Variants in UBE3D observed in about 807,000 individuals in gnomAD.
UBE3D encodes the protein E3 ubiquitin-protein ligase E3D.
UBE3D carries 48 observed loss-of-function variants against 49.6 expected under a neutral mutation model. That is an observed-to-expected ratio of 0.97 (90% CI 0.77 to 1.23). The LOEUF is 1.23. Among genes scored for constraint, UBE3D ranks in the 50% most tolerant of loss-of-function variants. The probability of loss-of-function intolerance (pLI) is 0.00; values close to 1 mark genes in which losing one functional copy is unlikely to be tolerated. For missense variants in UBE3D, 452 were observed against 468.4 expected, an observed-to-expected ratio of 0.96 and a Z score of 0.32; for synonymous variants, 189 against 174.2, an observed-to-expected ratio of 1.08 and a Z score of -0.67.
At chr6:82,979,234 A>G (rs550150920) in intron 8 of UBE3D, among the ~76,000 whole-genome samples, 21 of 152,294 alleles carry the variant, frequency 1.4e-4, no homozygotes, top group Admixed American at 4.6e-4. Flanking sequence ...CATCATATAG[A>G]TAATCCTTTG....
At chr6:82,975,881 C>A (rs900233331) in intron 8 of UBE3D, among the ~76,000 whole-genome samples, 3 of 152,008 alleles carry the variant, frequency 2.0e-5, no homozygotes, top group Non-Finnish European at 4.4e-5. Context: ...TAATAGAATT[C>A]TTTTCTTAGG....
rs1246710525 is a variant in UBE3D at position 83,065,819 on chromosome 6, C to T, written c.-101G>A. 8.1e-7 allele frequency: 1 copy of T among 1,234,564 alleles called. No individual in the cohort carries two copies. Among genetic ancestry groups the T allele is most frequent in the Non-Finnish European group, 1.1e-6 (1 of 876,986 alleles). 76.5% of individuals were successfully genotyped at this position (1,234,564 alleles called of 1,614,324 possible). A position where few individuals can be genotyped will look rare whatever the true frequency, so the allele number is the denominator to read the frequency against. Reference sequence around the variant, plus strand: ...CACGTGCGGACCAACCAGCGGCAGCCCCGCTGCGGCGCAGGCGCCTGTGCC... The same window carrying T: ...CACGTGCGGACCAACCAGCGGCAGCTCCGCTGCGGCGCAGGCGCCTGTGCC... On this transcript the variant is annotated 5_prime_UTR_variant, in exon 1 of 10. Coordinates refer to ENST00000369747, the MANE Select transcript of UBE3D (RefSeq NM_198920.3).
At chr6:83,053,375 T>A (rs1160836343) in intron 3 of UBE3D, among the ~76,000 whole-genome samples, 1 of 152,204 alleles carries the variant, frequency 6.6e-6, no homozygotes, top group African/African-American at 2.4e-5. Flanking sequence ...AGGAAACCCA[T>A]CTAATAAAGA....
intron 8 of UBE3D, among the ~76,000 whole-genome samples, chr6:82,971,462 G>A (rs954369290): frequency 6.6e-6 from 1 of 151,222 alleles, no homozygotes; most frequent in African/African-American, 2.4e-5. Context: ...TGTCCCATAG[G>A]GGCCAAACTC....
intron 5 of UBE3D, among the ~76,000 whole-genome samples, chr6:83,035,447 T>C (rs1306906439): frequency 6.6e-6 from 1 of 152,262 alleles, no homozygotes; most frequent in Admixed American, 6.5e-5. Flanking sequence ...AAATGGCTTT[T>C]ATTATTTTCA....
chr6:82,918,720 G>T (rs996360554), intron 9 of UBE3D, among the ~76,000 whole-genome samples: 3 of 150,948 alleles, frequency 2.0e-5, no homozygotes, highest in African/African-American at 7.3e-5. Flanking sequence ...ACTTACATTG[G>T]TCTTATCTGA....
intron 1 of UBE3D, chr6:83,063,185 GGT>G: frequency 3.5e-6 from 1 of 281,824 alleles, no homozygotes; most frequent in South Asian, 3.0e-5. Flanking sequence ...GTCCAAAGTG[GGT>G]GGATCGCTTG....
chr6:82,935,612 A>T (rs1319790657), intron 9 of UBE3D, among the ~76,000 whole-genome samples: 2 of 152,206 alleles, frequency 1.3e-5, no homozygotes, highest in African/African-American at 4.8e-5. Flanking sequence ...CACTGAAGAC[A>T]TCACTGTAAA....
intron 7 of UBE3D, 111 bp downstream of exon 7, chr6:83,022,342 T>A (rs78484498): frequency 1.3e-6 from 1 of 743,386 alleles, no homozygotes; most frequent in Non-Finnish European, 2.0e-6. Flanking sequence ...TTAACATTTT[T>A]AATCACTTAT....
At chr6:82,907,305 C>A (rs1003214584) in intron 9 of UBE3D, among the ~76,000 whole-genome samples, 1 of 152,134 alleles carries the variant, frequency 6.6e-6, no homozygotes, top group African/African-American at 2.4e-5. Context: ...ACCTGTCTGG[C>A]TAATTAGGAG....
chr6:82,960,206 T>C (rs1291230370), intron 8 of UBE3D, among the ~76,000 whole-genome samples: 3 of 152,238 alleles, frequency 2.0e-5, no homozygotes, highest in Admixed American at 6.5e-5. Flanking sequence ...CACATTTAAG[T>C]GTCTTTTCTG....
chr6:83,049,898 C>T (rs1783350245), intron 3 of UBE3D: 7 of 422,292 alleles, frequency 1.7e-5, no homozygotes, highest in South Asian at 1.2e-4. Flanking sequence ...TGAGACTATT[C>T]ACAACAAAAT....
chr6:82,906,619 A>T (rs898465290), intron 9 of UBE3D, among the ~76,000 whole-genome samples: 2 of 152,156 alleles, frequency 1.3e-5, no homozygotes, highest in African/African-American at 4.8e-5. Flanking sequence ...TTTAGTGGGG[A>T]ATGGTACTTA....
At chr6:82,936,626 C>CT (rs1235345962) in intron 9 of UBE3D, among the ~76,000 whole-genome samples, 1 of 152,086 alleles carries the variant, frequency 6.6e-6, no homozygotes, top group Non-Finnish European at 1.5e-5. Context: ...ACCAGACAAC[C>CT]TTTGTATGCT....
intron 1 of UBE3D, among the ~76,000 whole-genome samples, chr6:83,058,752 A>T (rs1783977952): frequency 6.6e-6 from 1 of 152,226 alleles, no homozygotes; most frequent in South Asian, 2.1e-4. Context: ...CCATGTGCTC[A>T]GGTGTGGATC....
At chr6:82,981,246 G>C (rs1778101742) in intron 8 of UBE3D, among the ~76,000 whole-genome samples, 1 of 151,970 alleles carries the variant, frequency 6.6e-6, no homozygotes, top group Non-Finnish European at 1.5e-5. Context: ...TGTAAAACGG[G>C]GGTAATAATA....
chr6:82,955,482 C>G (rs1356474681), intron 9 of UBE3D, among the ~76,000 whole-genome samples: 1 of 152,124 alleles, frequency 6.6e-6, no homozygotes, highest in Admixed American at 6.6e-5. Context: ...AGCTTCACTC[C>G]TCAAAGATAA....
rs149757124 is a variant in UBE3D, at chr6:82,929,876, G to A, written c.1149+27436C>T. Among the ~76,000 whole-genome samples the A allele has an allele frequency of 2.1e-3, 318 of 152,172 alleles. 2 individuals carry two copies. Among genetic ancestry groups the A allele is most frequent in the African/African-American group, 7.1e-3 (294 of 41,508 alleles). On this transcript the variant is annotated intron_variant, in intron 9 of 9. Transcript: ENST00000369747. The stretch of plus-strand genomic sequence containing the variant: ...GAACAGTACATTTATTACAACTGAT[G>A]AGCATACACTGACACATCCTTATCA...
intron 9 of UBE3D, among the ~76,000 whole-genome samples, chr6:82,901,962 T>TG (rs1199894542): frequency 6.6e-6 from 1 of 152,122 alleles, no homozygotes; most frequent in Non-Finnish European, 1.5e-5. Context: ...ATGAATTTTC[T>TG]GGGGGGTGGG....
Sources: allele counts gnomAD v4.1 joint callset (sites outside exome capture counted in the v4.1 genomes callset), GRCh38; gene constraint gnomAD v4.1.1; transcripts MANE v1.5; gene names NCBI Gene and HGNC (gene_info 2026-07-23, HGNC 2026-07-21).